FLT4: variants seen among roughly 807,000 people sequenced by gnomAD.
FLT4 encodes the protein fms related receptor tyrosine kinase 4, also known as vascular endothelial growth factor receptor 3.
Under a neutral mutation model 163.2 loss-of-function variants are expected in FLT4, and 30 were observed. The ratio of observed to expected loss-of-function variants is 0.18; its 90% confidence interval spans 0.14 to 0.25. The LOEUF is 0.25. FLT4 is among the 10% of genes least tolerant of loss of function. The pLI is 1.00. For synonymous variants in FLT4, 884 were observed against 789.5 expected, an observed-to-expected ratio of 1.12 and a Z score of -2.01; for missense variants, 1,510 against 1,863.8, an observed-to-expected ratio of 0.81 and a Z score of 3.50.
chr5:180,631,699 G>A lies in FLT4; in HGVS notation c.138C>T (p.Ser46=). 6.2e-7 allele frequency: 1 copy of A among 1,609,758 alleles called. No individual in the cohort carries two copies. The highest frequency in any genetic ancestry group is 2.2e-5 in the East Asian group (1 of 44,854). The change falls in exon 2 of 30, where the codon AGC becomes AGT. Residue 46 remains serine (S), a synonymous_variant. Coordinates refer to ENST00000261937, the MANE Select transcript of FLT4 (RefSeq NM_182925.5). The part of the protein sequence containing the change: ...EESHVIDTGD[S]LSISCRGQHP... ...CCCAGTACCTGCAGGAGATGGACAGGCTGTCACCGGTGTCGATGACGTGTG... is the reference window on the plus strand; with the variant it reads ...CCCAGTACCTGCAGGAGATGGACAGACTGTCACCGGTGTCGATGACGTGTG...
Position 180,618,899 on chromosome 5 carries a change from C to CATG in FLT4, c.2871_2872insCAT (p.Arg957_Gly958insHis). 1 of 1,586,506 alleles carries CATG rather than the reference C, an allele frequency of 6.3e-7. No homozygotes were observed. The highest frequency in any genetic ancestry group is 1.8e-5 in the Admixed American group (1 of 56,320). The stretch of plus-strand genomic sequence containing the variant: ...AGCTCCACCATGGCGCGGAAGCGTC[C>CATG]GCGCTGCTCGGGAGACTTCTCCTGC... On this transcript the variant is annotated inframe_insertion, in exon 21 of 30. Transcript: ENST00000261937.
At chr5:180,605,101 C>A (rs907729618) in intron 29 of FLT4, among the ~76,000 whole-genome samples, 5 of 152,232 alleles carry the variant, frequency 3.3e-5, no homozygotes, top group Admixed American at 6.5e-5. Context: ...GCTGCTACCA[C>A]AGGCATGGGC....
intron 1 of FLT4, among the ~76,000 whole-genome samples, chr5:180,640,124 C>T (rs1764993731): frequency 1.3e-5 from 2 of 152,216 alleles, no homozygotes; most frequent in African/African-American, 4.8e-5. Context: ...CTGCACCTCC[C>T]CTGGGCAGTG....
rs771925711 is a variant in FLT4 at position 180,630,655 on chromosome 5, C to T, written c.300G>A (p.Glu100=). ...RPYCKVLLLH[E]VHANDTGSYV... Reference sequence around the variant, plus strand: ...AGCTGCCTGTGTCGTTGGCATGTACCTCGTGCAGCAGCAACACCTTGCAGT... The same window carrying T: ...AGCTGCCTGTGTCGTTGGCATGTACTTCGTGCAGCAGCAACACCTTGCAGT... Residue 100 remains glutamate (E), a synonymous_variant, in exon 3 of 30, where the codon GAG becomes GAA. Transcript: ENST00000261937. This position sits in a 1 kb window ranked among gnomAD's most constrained non-coding sequence, Gnocchi z 6.3. 6.2e-7 allele frequency: 1 copy of T among 1,613,184 alleles called. No individual in the cohort carries two copies. The highest frequency in any genetic ancestry group is 1.1e-5 in the South Asian group (1 of 91,080).
rs1491212392 is a variant in FLT4 at position 180,622,926 on chromosome 5, CCA to C, written c.1549-89_1549-88del. 58,651 of 503,968 alleles carry C rather than the reference CCA, an allele frequency of 0.12. 5,056 individuals are homozygous for C. Among genetic ancestry groups the C allele is most frequent in the East Asian group, 0.42 (14,404 of 34,282 alleles). The allele number at this position is 503,968 out of a possible 1,614,324, so 31.2% of individuals were successfully genotyped here. A position where few individuals can be genotyped will look rare whatever the true frequency, so the allele number is the denominator to read the frequency against. ...CTTTCTGCAAGGAGGTCGCTGTGCA[CCA>C]CCCCCCCCAATCATGGGGGAAACTG... On this transcript the variant is annotated intron_variant, in intron 11 of 29. Coordinates refer to ENST00000261937, the MANE Select transcript of FLT4 (RefSeq NM_182925.5).
chr5:180,626,106 C>A lies in FLT4; in HGVS notation c.1258+5G>T, dbSNP rs935685065. 1.2e-6 allele frequency: 2 copies of A among 1,612,826 alleles called. No individual in the cohort carries two copies. The highest frequency in any genetic ancestry group is 3.3e-5 in the Admixed American group (2 of 60,026). On this transcript the variant is annotated splice_donor_5th_base_variant and intron_variant, in intron 9 of 29. Coordinates refer to ENST00000261937, the MANE Select transcript of FLT4 (RefSeq NM_182925.5). ...CACCCGTGCGCTCTCCCGTCCCTGA[C>A]CTACCATTCACCACCAGCTCCAGGC...
At chr5:180,614,030 C>G (rs371927558) in intron 24 of FLT4, 38 bp downstream of exon 24, 1 of 1,420,992 alleles carries the variant, frequency 7.0e-7, no homozygotes, top group Admixed American at 1.7e-5. Flanking sequence ...CCAGTGACCT[C>G]GCCTCCTCTC....
intron 27 of FLT4, 83 bp from the exon 28 acceptor site, chr5:180,610,108 C>G (rs1164282131): frequency 1.2e-6 from 2 of 1,600,634 alleles, no homozygotes; most frequent in East Asian, 2.2e-5. Flanking sequence ...TGTGCCCCCT[C>G]TTCTCCTGGA....
chr5:180,622,968 A>G, intron 11 of FLT4, 129 bp from the exon 12 acceptor site: 1 of 719,658 alleles, frequency 1.4e-6, no homozygotes, highest in Non-Finnish European at 2.5e-6. Flanking sequence ...TTTGGGCTGG[A>G]GAAGACCAAA....
At position 180,614,208 on chromosome 5, in the gene FLT4, T is replaced by C. The variant is rs659268; in HGVS notation, c.3220-29A>G. ...GGGAGACAGAGGGAAGCTTGTCCCG[T>C]GGTGGATGGGGAGACGGAGGGAAGC... On this transcript the variant is annotated intron_variant, in intron 23 of 29. Coordinates refer to ENST00000261937, the MANE Select transcript of FLT4 (RefSeq NM_182925.5). The C allele has an allele frequency of 0.75, 968,649 of 1,286,228 alleles. 360,821 individuals are homozygous for C. Among genetic ancestry groups the C allele is most frequent in the Admixed American group, 0.81 (43,185 of 53,412 alleles). 79.7% of individuals were successfully genotyped at this position (1,286,228 alleles called of 1,614,324 possible).
chr5:180,645,135 G>T (rs376987517), intron 1 of FLT4, among the ~76,000 whole-genome samples: 8 of 152,318 alleles, frequency 5.3e-5, no homozygotes, highest in East Asian at 1.9e-4. Flanking sequence ...GGGTGAGTTG[G>T]GGGGGGCCCT....
At position 180,601,825 on chromosome 5, in the gene FLT4, TG is replaced by T. The variant is rs57918841; in HGVS notation, c.*1366del. Reference sequence around the variant, plus strand: ...CGGCATATCCTGGAGTAACGCGCAGTGGGGGAGGTGGGGAGGGGAGGGTCGG... The same window carrying T: ...CGGCATATCCTGGAGTAACGCGCAGTGGGGAGGTGGGGAGGGGAGGGTCGG... On this transcript the variant is annotated 3_prime_UTR_variant, in exon 30 of 30. Coordinates refer to ENST00000261937, the MANE Select transcript of FLT4 (RefSeq NM_182925.5). 1.1e-3 allele frequency: 215 copies of T among 192,156 alleles called. 2 individuals carry two copies. The highest frequency in any genetic ancestry group is 4.8e-3 in the African/African-American group (201 of 41,502). The allele number at this position is 192,156 out of a possible 1,614,324, so 11.9% of individuals were successfully genotyped here.
chr5:180,631,830 G>T, intron 1 of FLT4, 52 bp from the exon 2 acceptor site: 1 of 1,276,132 alleles, frequency 7.8e-7, no homozygotes, highest in Non-Finnish European at 1.1e-6. Context: ...TTGGCACGAC[G>T]TTGATGGGGC....
At chr5:180,628,751 G>A in intron 8 of FLT4, 131 bp downstream of exon 8, 1 of 687,474 alleles carries the variant, frequency 1.5e-6, no homozygotes, top group Non-Finnish European at 2.6e-6. Flanking sequence ...TCCTGAGAGA[G>A]GCCCCCGCCA....
intron 25 of FLT4, 142 bp downstream of exon 25, chr5:180,612,869 A>C (rs1446368555): frequency 1.4e-6 from 1 of 706,484 alleles, no homozygotes; most frequent in Admixed American, 2.1e-5. Flanking sequence ...GCTGTGCTAC[A>C]GACTACCCGT....
chr5:180,619,851 G>A (rs1762987566), intron 17 of FLT4, 82 bp from the exon 18 acceptor site: 2 of 993,692 alleles, frequency 2.0e-6, no homozygotes, highest in Non-Finnish European at 3.2e-6. Flanking sequence ...GCCCCGTGCA[G>A]AGGTCCAGGA....
At position 180,614,035 on chromosome 5, in the gene FLT4, C is replaced by T. The variant is rs1278607495; in HGVS notation, c.3331+33G>A. On this transcript the variant is annotated intron_variant, in intron 24 of 29. Transcript: ENST00000261937. ...TAACCTGCCGCCAGTGACCTCGCCT[C>T]CTCTCCCCACCGGCACCCCATCCTG... The T allele has an allele frequency of 2.0e-6, 3 of 1,469,814 alleles. No homozygotes were observed. In the African/African-American group the frequency reaches 4.2e-5, roughly 20 times the overall value. The allele number at this position is 1,469,814 out of a possible 1,614,324, so 91.0% of individuals were successfully genotyped here.
Position 180,613,018 on chromosome 5 carries a change from G to A in FLT4, c.3424C>T (p.Pro1142Ser), listed in dbSNP as rs370894507. Reference protein sequence around the residue: ...TRMRAPELATPAIRRIMLNCW... With the variant: ...TRMRAPELATSAIRRIMLNCW... ...GGCCATGGGGAGGCTCACATGGCGG[G>A]AGTGGCCAGCTCCGGGGCCCTCATC... Residue 1142 changes from proline (P) to serine (S), a missense_variant, in exon 25 of 30, where the codon CCC becomes TCC. By Grantham distance (74) the Pro-to-Ser change is moderately conservative. This residue lies in a region of FLT4 where 295 missense variants were observed against 311.0 expected (regional missense o/e 0.95). Coordinates refer to ENST00000261937, the MANE Select transcript of FLT4 (RefSeq NM_182925.5). 6 of 1,611,654 alleles carry A rather than the reference G, an allele frequency of 3.7e-6. No homozygotes were observed. In the African/African-American group the frequency reaches 8.0e-5, roughly 22 times the overall value.
At chr5:180,616,862 C>G (rs1762733799) in intron 22 of FLT4, 38 bp downstream of exon 22, 1 of 1,526,814 alleles carries the variant, frequency 6.5e-7, no homozygotes, top group East Asian at 2.3e-5. Context: ...TGGGGATGCA[C>G]CCTTTTCCCG....
Sources: allele counts gnomAD v4.1 joint callset (sites outside exome capture counted in the v4.1 genomes callset), GRCh38; gene constraint gnomAD v4.1.1; regional missense constraint gnomAD v4.1.1; non-coding constraint Gnocchi (gnomAD v3.1); transcripts MANE v1.5; gene names NCBI Gene and HGNC (gene_info 2026-07-23, HGNC 2026-07-21).